Variants in HSF5 observed in about 807,000 individuals in gnomAD.
The protein encoded by HSF5 is heat shock factor protein 5.
In HSF5, 5 loss-of-function variants were observed where a neutral mutation model predicts 50.8. That is an observed-to-expected ratio of 0.10 (90% confidence interval 0.05 to 0.21). The LOEUF (loss-of-function observed/expected upper bound fraction) is 0.21. HSF5 is among the 10% of genes least tolerant of loss of function. The pLI, the probability that HSF5 is intolerant of heterozygous loss-of-function variation, is 1.00. For synonymous variants in HSF5, 307 were observed against 307.4 expected (o/e 1.00, Z 0.02); for missense variants, 564 against 762.6 (o/e 0.74, Z 3.07).
chr17:58,430,941 T>C (rs537424268), intron 5 of HSF5, among the ~76,000 whole-genome samples: 2 of 152,298 alleles, frequency 1.3e-5, no homozygotes, highest in African/African-American at 4.8e-5. Context: ...CATACTGATA[T>C]AGTTTGGCTG....
intron 5 of HSF5, among the ~76,000 whole-genome samples, chr17:58,450,311 C>T (rs1466826488): frequency 7.9e-6 from 1 of 126,410 alleles, no homozygotes; most frequent in African/African-American, 3.0e-5. Flanking sequence ...TGCACTCCAG[C>T]CTGGGTGAGA....
At chr17:58,446,123 G>A (rs1158330425) in intron 5 of HSF5, among the ~76,000 whole-genome samples, 3 of 142,428 alleles carry the variant, frequency 2.1e-5, no homozygotes, top group Non-Finnish European at 3.0e-5. Flanking sequence ...GGCGACAAGA[G>A]TGAAACTCCA....
In HSF5 at chr17:58,487,729, C is replaced by A. The variant is rs781213617; in HGVS notation, c.546G>T (p.Pro182=). ...GCACGGGCAGTCCGGACTCACCGTG[C>A]GGCTCGGGCCGGGGCCCCGCGGGCG... ...PPPPAGPRPE[P]HGPVAVGQFH... Residue 182 remains proline, a synonymous_variant, in exon 1 of 6, where the codon CCG becomes CCT. Coordinates refer to ENST00000323777, the MANE Select transcript of HSF5 (RefSeq NM_001080439.3). The A allele has an allele frequency of 2.3e-5, 32 of 1,377,194 alleles. No homozygotes were observed. Among genetic ancestry groups the A allele is most frequent in the Non-Finnish European group, 3.0e-5 (32 of 1,076,292 alleles). 85.3% of individuals were successfully genotyped at this position (1,377,194 alleles called of 1,614,324 possible).
intron 4 of HSF5, among the ~76,000 whole-genome samples, chr17:58,460,510 C>T (rs11079351): frequency 0.23 from 32,037 of 137,042 alleles, 3,880 homozygotes; most frequent in African/African-American, 0.27. Flanking sequence ...CACACACACA[C>T]ATACTTTTTT....
intron 3 of HSF5, among the ~76,000 whole-genome samples, chr17:58,463,707 A>G (rs1290101498): frequency 6.6e-6 from 1 of 152,236 alleles, no homozygotes; most frequent in Non-Finnish European, 1.5e-5. Context: ...AATTTCAAAC[A>G]CAGGATGCTC....
rs1974812507 is a variant in HSF5 at position 58,462,929 on chromosome 17, G to A, written c.1395C>T (p.His465=). The A allele has an allele frequency of 6.2e-7, 1 of 1,614,094 alleles. No homozygotes were observed. Among genetic ancestry groups the A allele is most frequent in the Non-Finnish European group, 8.5e-7 (1 of 1,180,050 alleles). Residue 465 remains histidine (H), a synonymous_variant, in exon 4 of 6, where the codon CAC becomes CAT. Transcript: ENST00000323777. ...PQSPEYIYTI[H]TAQPVENSTI... ...TGCTATTTTCAACAGGCTGAGCTGT[G>A]TGGATGGTATAGATGTACTCAGGTG... is the stretch of plus-strand genomic sequence containing the variant.
chr17:58,454,116 G>A (rs1974676458), intron 5 of HSF5, among the ~76,000 whole-genome samples: 1 of 151,938 alleles, frequency 6.6e-6, no homozygotes, highest in Non-Finnish European at 1.5e-5. Flanking sequence ...AGGAAAACCA[G>A]AGACCTTTGT....
Position 58,484,214 on chromosome 17 carries a change from A to AG in HSF5, c.550+3510_550+3511insC, listed in dbSNP as rs199957369. Among the ~76,000 whole-genome samples, 43 of 152,174 alleles carry AG rather than the reference A, an allele frequency of 2.8e-4. No individual in the cohort carries two copies. The East Asian group carries it at 8.3e-3, about 29-fold the overall frequency. ...CAGGTAGAATGGTAAGGAAAAAAAAAAAAAACACCAAACAGGAAAGGCATG... is the reference window on the plus strand; with the variant it reads ...CAGGTAGAATGGTAAGGAAAAAAAAAGAAAAACACCAAACAGGAAAGGCATG... On this transcript the variant is annotated intron_variant, in intron 1 of 5. Transcript: ENST00000323777.
At chr17:58,452,269 CA>C (rs1974651507) in intron 5 of HSF5, among the ~76,000 whole-genome samples, 1 of 150,980 alleles carries the variant, frequency 6.6e-6, no homozygotes, top group African/African-American at 2.4e-5. Flanking sequence ...GACAAAAAAA[CA>C]AAAAAGAAAG....
At chr17:58,427,633 A>T (rs1370350232) in intron 5 of HSF5, among the ~76,000 whole-genome samples, 3 of 152,206 alleles carry the variant, frequency 2.0e-5, no homozygotes, top group African/African-American at 7.2e-5. Context: ...TATTTTAGAA[A>T]TTTTTTATTT....
At chr17:58,450,540 G>A (rs1974625293) in intron 5 of HSF5, among the ~76,000 whole-genome samples, 1 of 150,906 alleles carries the variant, frequency 6.6e-6, no homozygotes, top group Non-Finnish European at 1.5e-5. Flanking sequence ...GATCACCTGA[G>A]GTCGGGAGTT....
Position 58,448,338 on chromosome 17 carries a change from C to T in HSF5, c.1720+10430G>A, listed in dbSNP as rs1974589577. ...CTTATTGAAATAAACAGTAACAGAA[C>T]ACTTTCTAAACCTAGAGAAAGATAC... On this transcript the variant is annotated intron_variant, in intron 5 of 5. Transcript: ENST00000323777. Among the ~76,000 whole-genome samples the T allele has an allele frequency of 3.3e-5, 5 of 151,964 alleles. 1 individual carries two copies. In the South Asian group the frequency reaches 1.0e-3, roughly 32 times the overall value.
At chr17:58,466,205 T>C (rs562612527) in intron 3 of HSF5, among the ~76,000 whole-genome samples, 1 of 152,296 alleles carries the variant, frequency 6.6e-6, no homozygotes, top group South Asian at 2.1e-4. Flanking sequence ...GACTAAGGGA[T>C]ACTGAACCAT....
chr17:58,468,053 G>A (rs1974892371), intron 2 of HSF5, among the ~76,000 whole-genome samples: 1 of 152,182 alleles, frequency 6.6e-6, no homozygotes, highest in African/African-American at 2.4e-5. Flanking sequence ...AAGTCACAAA[G>A]CTGGAAGTGA....
rs1974228863 is a variant in HSF5 at position 58,421,463 on chromosome 17, T to C, written c.*897A>G. The C allele has an allele frequency of 6.6e-6, 1 of 152,418 alleles. No individual in the cohort carries two copies. The highest frequency in any genetic ancestry group is 2.4e-5 in the African/African-American group (1 of 41,452). 9.4% of individuals were successfully genotyped at this position (152,418 alleles called of 1,614,324 possible). On this transcript the variant is annotated 3_prime_UTR_variant, in exon 6 of 6. Transcript: ENST00000323777. ...ATCTCTTAATGTTTTTGTTCACACA[T>C]TGTACATTTTCCTTTCAAAATAAAA...
Position 58,466,438 on chromosome 17 carries a change from T to C in HSF5, c.1020+447A>G, listed in dbSNP as rs978512352. On this transcript the variant is annotated intron_variant, in intron 3 of 5. Transcript: ENST00000323777. ...CACTGTTTAAAATAACTTTCAGCAA[T>C]GATGGGAATGTTCTAGATCTGTGCT... 3.9e-5 allele frequency among the ~76,000 whole-genome samples: 6 copies of C among 152,206 alleles called. No individual in the cohort carries two copies. The South Asian group carries it at 6.2e-4, about 16-fold the overall frequency.
At chr17:58,427,739 T>C (rs1220271861) in intron 5 of HSF5, among the ~76,000 whole-genome samples, 1 of 152,250 alleles carries the variant, frequency 6.6e-6, no homozygotes, top group Admixed American at 6.5e-5. Context: ...GCTATTCCAT[T>C]TTGAGCTCTC....
Position 58,458,868 on chromosome 17 carries a change from T to C in HSF5, c.1620A>G (p.Ser540=), listed in dbSNP as rs1399266064. ...TAGGCTTGCTAGCAGGCCCCATTTCTGAAATGAGGAATCCCATCTGTTCTG... is the reference window on the plus strand; with the variant it reads ...TAGGCTTGCTAGCAGGCCCCATTTCCGAAATGAGGAATCCCATCTGTTCTG... ...LPSEQMGFLI[S]EMGPASKPSE... is the part of the protein sequence containing the mutation. The change falls in exon 5 of 6, where the codon TCA becomes TCG. Residue 540 remains serine (S), a synonymous_variant. Coordinates refer to ENST00000323777, the MANE Select transcript of HSF5 (RefSeq NM_001080439.3). 6.2e-7 allele frequency: 1 copy of C among 1,614,138 alleles called. No homozygotes were observed. The highest frequency in any genetic ancestry group is 8.5e-7 in the Non-Finnish European group (1 of 1,179,978).
At chr17:58,454,368 A>G (rs1442515430) in intron 5 of HSF5, among the ~76,000 whole-genome samples, 1 of 152,222 alleles carries the variant, frequency 6.6e-6, no homozygotes, top group African/African-American at 2.4e-5. Flanking sequence ...ACAAACCCAC[A>G]GCTAACATTA....
Sources: gnomAD v4.1 joint callset for allele counts (sites outside exome capture counted in the v4.1 genomes callset) on GRCh38, gnomAD v4.1.1 for gene constraint, MANE v1.5 for transcripts, NCBI Gene and HGNC (gene_info 2026-07-23, HGNC 2026-07-21) for gene names.